The following MTNR1B variants were observed in gnomAD, a reference collection of about 807,000 sequenced individuals.
MTNR1B encodes the protein melatonin receptor type 1B.
In MTNR1B, 7 loss-of-function variants were observed where a neutral mutation model predicts 7.0. That is an observed-to-expected ratio of 1.00 (90% confidence interval 0.57 to 1.88). The LOEUF (loss-of-function observed/expected upper bound fraction) is 1.88, where lower values mean the gene tolerates loss of function less well. Ranked by LOEUF, MTNR1B falls within the 40% of genes most tolerant of loss-of-function variation. The pLI is 0.00. For synonymous variants in MTNR1B, 226 were observed against 208.2 expected, an observed-to-expected ratio of 1.09 and a Z score of -0.74; for missense variants, 478 against 486.5, an observed-to-expected ratio of 0.98 and a Z score of 0.16.
rs1051325840 is a variant in MTNR1B, at chr11:92,978,661, A to C, written c.224-2786A>C. On this transcript the variant is annotated intron_variant, in intron 1 of 1. Coordinates refer to ENST00000257068, the MANE Select transcript of MTNR1B (RefSeq NM_005959.5). ...TTGGAATTGTGCCAAGAAAGCCTGG[A>C]GACAGTGGGATGTCTGGGCAGATGA... 1.8e-4 allele frequency among the ~76,000 whole-genome samples: 28 copies of C among 152,312 alleles called. 1 individual carries two copies. The highest frequency in any genetic ancestry group is 2.4e-5 in the African/African-American group (1 of 41,566).
chr11:92,983,081 T>C (rs1858146352), downstream of MTNR1B, among the ~76,000 whole-genome samples: 1 of 152,114 alleles, frequency 6.6e-6, no homozygotes, highest in African/African-American at 2.4e-5. Context: ...CTCAGTTTAC[T>C]CATCTTAAAG....
In MTNR1B at chr11:92,981,644, T is replaced by C. The variant is rs747856791; in HGVS notation, c.421T>C (p.Tyr141His). The change falls in exon 2 of 2, where the codon TAC becomes CAC. Residue 141 changes from tyrosine (Y) to histidine (H), a missense_variant. Physicochemically the swap from Tyr to His is moderately conservative, Grantham distance 83 (BLOSUM62 2). Coordinates refer to ENST00000257068, the MANE Select transcript of MTNR1B (RefSeq NM_005959.5). ...ITAIAINRYC[Y>H]ICHSMAYHRI... ...TGCCATCGCCATTAACCGCTACTGC[T>C]ACATCTGCCACAGCATGGCCTACCA... The C allele has an allele frequency of 3.7e-6, 6 of 1,614,120 alleles. No individual in the cohort carries two copies. Among genetic ancestry groups the C allele is most frequent in the Non-Finnish European group, 2.5e-6 (3 of 1,180,056 alleles).
intron 1 of MTNR1B, among the ~76,000 whole-genome samples, chr11:92,973,805 A>G (rs1488165449): frequency 2.6e-5 from 4 of 152,202 alleles, no homozygotes; most frequent in African/African-American, 9.6e-5. Context: ...CTGTCCACAG[A>G]GCCAGACACA....
chr11:92,975,853 T>C (rs754081539), intron 1 of MTNR1B, among the ~76,000 whole-genome samples: 32 of 152,208 alleles, frequency 2.1e-4, no homozygotes, highest in African/African-American at 7.5e-4. Context: ...CATTGAGATG[T>C]CACTTGGCAT....
chr11:92,969,712 C>G lies in MTNR1B; in HGVS notation c.-14C>G. 6.8e-7 allele frequency: 1 copy of G among 1,463,014 alleles called. No homozygotes were observed. The highest frequency in any genetic ancestry group is 9.0e-7 in the Non-Finnish European group (1 of 1,107,922). The allele number at this position is 1,463,014 out of a possible 1,614,324, so 90.6% of individuals were successfully genotyped here. A position where few individuals can be genotyped will look rare whatever the true frequency, so the allele number is the denominator to read the frequency against. On this transcript the variant is annotated 5_prime_UTR_variant, in exon 1 of 2. Transcript: ENST00000257068. The stretch of plus-strand genomic sequence containing the variant: ...GCCGCGCGGTGGCCAAAGCACAGCG[C>G]GGGAGAGTCTGCGATGTCAGAGAAC...
intron 1 of MTNR1B, 138 bp downstream of exon 1, chr11:92,970,086 T>A: frequency 8.3e-7 from 1 of 1,209,234 alleles, no homozygotes; most frequent in Non-Finnish European, 1.1e-6. Context: ...ACCTATTCCT[T>A]AAGTTTGACT....
intron 1 of MTNR1B, among the ~76,000 whole-genome samples, chr11:92,975,172 G>A (rs918276385): frequency 6.6e-6 from 1 of 152,188 alleles, no homozygotes; most frequent in Admixed American, 6.5e-5. Flanking sequence ...TGTCCTCACT[G>A]TAACACCCAA....
intron 1 of MTNR1B, among the ~76,000 whole-genome samples, chr11:92,980,886 C>G (rs1858092646): frequency 6.6e-6 from 1 of 152,188 alleles, no homozygotes; most frequent in Non-Finnish European, 1.5e-5. Context: ...TCTTCTAGTC[C>G]AGCTGCAAAA....
chr11:92,978,450 C>A (rs752997038), intron 1 of MTNR1B, among the ~76,000 whole-genome samples: 3 of 152,110 alleles, frequency 2.0e-5, no homozygotes, highest in Non-Finnish European at 4.4e-5. Context: ...AAACGAGTCA[C>A]GCCAGGACCC....
Position 92,982,422 on chromosome 11 carries a change from T to G in MTNR1B, c.*110T>G. 5 of 1,323,530 alleles carry G rather than the reference T, an allele frequency of 3.8e-6. No homozygotes were observed. Among genetic ancestry groups the G allele is most frequent in the Non-Finnish European group, 5.1e-6 (5 of 985,008 alleles). The allele number at this position is 1,323,530 out of a possible 1,614,324, so 82.0% of individuals were successfully genotyped here. Reference sequence around the variant, plus strand: ...GCTGGGCCACACTGTCCTGTTGGCATCACAGCCCCAAGGCTGGGGGAACTT... The same window carrying G: ...GCTGGGCCACACTGTCCTGTTGGCAGCACAGCCCCAAGGCTGGGGGAACTT... On this transcript the variant is annotated 3_prime_UTR_variant, in exon 2 of 2. Coordinates refer to ENST00000257068, the MANE Select transcript of MTNR1B (RefSeq NM_005959.5).
downstream of MTNR1B, among the ~76,000 whole-genome samples, chr11:92,984,130 T>G (rs1858162284): frequency 6.6e-6 from 1 of 152,124 alleles, no homozygotes; most frequent in African/African-American, 2.4e-5. Context: ...GCGGCTTTCC[T>G]GAATGAAGAA....
At chr11:92,978,988 A>G (rs912292326) in intron 1 of MTNR1B, among the ~76,000 whole-genome samples, 1 of 152,170 alleles carries the variant, frequency 6.6e-6, no homozygotes, top group Admixed American at 6.5e-5. Context: ...AGCGGGTCCT[A>G]TGGAGACTCA....
At chr11:92,972,710 C>G (rs1217874238) in intron 1 of MTNR1B, 1 of 365,960 alleles carries the variant, frequency 2.7e-6, no homozygotes, top group Non-Finnish European at 5.4e-6. Flanking sequence ...ACACTTTTGA[C>G]TCTACTGAGA....
intron 1 of MTNR1B, among the ~76,000 whole-genome samples, chr11:92,980,419 T>G (rs1194463988): frequency 2.0e-5 from 3 of 152,218 alleles, no homozygotes; most frequent in Admixed American, 6.5e-5. Context: ...AGCTTTGTAT[T>G]GCCCAAACGT....
chr11:92,975,161 A>G (rs1465808324), intron 1 of MTNR1B, among the ~76,000 whole-genome samples: 2 of 152,216 alleles, frequency 1.3e-5, no homozygotes, highest in Admixed American at 6.5e-5. Flanking sequence ...TGAGAGAACC[A>G]TGTCCTCACT....
downstream of MTNR1B, among the ~76,000 whole-genome samples, chr11:92,984,476 T>G (rs923418301): frequency 3.0e-5 from 3 of 100,942 alleles, no homozygotes; most frequent in African/African-American, 1.2e-4. Context: ...TCTCAGCCAC[T>G]TTTCCTGGCT....
chr11:92,982,471 A>T lies in MTNR1B; in HGVS notation c.*159A>T. Reference sequence around the variant, plus strand: ...TTCATGCTGGGACAAGCAGCCCATCAACGCCATGGGTTCAGGCTGATCCAG... The same window carrying T: ...TTCATGCTGGGACAAGCAGCCCATCTACGCCATGGGTTCAGGCTGATCCAG... On this transcript the variant is annotated 3_prime_UTR_variant, in exon 2 of 2. Transcript: ENST00000257068. The T allele has an allele frequency of 1.2e-6, 1 of 857,576 alleles. No homozygotes were observed. Among genetic ancestry groups the T allele is most frequent in the Non-Finnish European group, 1.7e-6 (1 of 571,640 alleles). 53.1% of individuals were successfully genotyped at this position (857,576 alleles called of 1,614,324 possible). A position where few individuals can be genotyped will look rare whatever the true frequency, so the allele number is the denominator to read the frequency against.
intron 1 of MTNR1B, chr11:92,972,682 G>A (rs1857951023): frequency 5.3e-6 from 2 of 377,600 alleles, no homozygotes; most frequent in South Asian, 4.0e-5. Context: ...GTCAGATTGT[G>A]CTTCCCAGGG....
Position 92,982,028 on chromosome 11 carries a change from T to G in MTNR1B, c.805T>G (p.Cys269Gly), listed in dbSNP as rs1283192973. The change falls in exon 2 of 2, where the codon TGC (cysteine) becomes GGC (glycine). Residue 269 changes from cysteine to glycine, a missense_variant. Coordinates refer to ENST00000257068, the MANE Select transcript of MTNR1B (RefSeq NM_005959.5). The part of the protein sequence containing the change: ...IFAICWAPLN[C>G]IGLAVAINPQ... ...TGCCATCTGCTGGGCTCCACTTAAC[T>G]GCATCGGCCTCGCTGTGGCCATCAA... 1.9e-6 allele frequency: 3 copies of G among 1,614,244 alleles called. No homozygotes were observed.
Sources: gnomAD v4.1 joint callset for allele counts (sites outside exome capture counted in the v4.1 genomes callset) on GRCh38, gnomAD v4.1.1 for gene constraint, MANE v1.5 for transcripts, NCBI Gene and HGNC (gene_info 2026-07-23, HGNC 2026-07-21) for gene names.